The following TBC1D8 variants were observed in gnomAD, a reference collection of about 807,000 sequenced individuals.
TBC1D8 encodes BUB2-like protein 1.
A neutral mutation model predicts 118.8 loss-of-function variants in TBC1D8; 65 were observed. The observed-to-expected ratio is 0.55, with a 90% CI of 0.45 to 0.67. The LOEUF (loss-of-function observed/expected upper bound fraction) is 0.67. TBC1D8 is among the 30% of genes least tolerant of loss of function. The probability of loss-of-function intolerance (pLI) is 0.00; values close to 1 mark genes in which losing one functional copy is unlikely to be tolerated. For synonymous variants in TBC1D8, 566 were observed against 595.8 expected, an observed-to-expected ratio of 0.95 and a Z score of 0.73; for missense variants, 1,376 against 1,471.2, an observed-to-expected ratio of 0.94 and a Z score of 1.06.
chr2:101,129,362 C>T (rs1455540266), intron 1 of TBC1D8, among the ~76,000 whole-genome samples: 1 of 152,042 alleles, frequency 6.6e-6, no homozygotes, highest in African/African-American at 2.4e-5. Context: ...AGGCTGTTCT[C>T]GAACTCCTGA....
intron 2 of TBC1D8, among the ~76,000 whole-genome samples, chr2:101,072,722 C>A (rs1674532928): frequency 6.6e-6 from 1 of 152,102 alleles, no homozygotes; most frequent in African/African-American, 2.4e-5. Context: ...TGACAGGAGG[C>A]CAAGCTCAGG....
In TBC1D8 at chr2:101,008,131, C is replaced by A. The variant is rs1185225997; in HGVS notation, c.3158G>T (p.Gly1053Val). 6.2e-7 allele frequency: 1 copy of A among 1,613,908 alleles called. No homozygotes were observed. The highest frequency in any genetic ancestry group is 8.5e-7 in the Non-Finnish European group (1 of 1,179,814). Residue 1053 changes from glycine (G) to valine (V), a missense_variant, in exon 20 of 20, where the codon GGA becomes GTA. Physicochemically the swap from Gly to Val is moderately radical, Grantham distance 109. Coordinates refer to ENST00000409318, the MANE Select transcript of TBC1D8 (RefSeq NM_001330348.2). The part of the protein sequence containing the change: ...GEVGQRGSSS[G>V]SCSQECGEEL... ...CTCCCCACACTCCTGGGAGCAGCTT[C>A]CAGAGCTGCTGCCTCGCTGCCCCAC...
rs942376826 is a variant in TBC1D8 at position 101,008,273 on chromosome 2, T to C, written c.3016A>G (p.Arg1006Gly). 2 of 1,518,436 alleles carry C rather than the reference T, an allele frequency of 1.3e-6. No individual in the cohort carries two copies. The highest frequency in any genetic ancestry group is 1.8e-6 in the Non-Finnish European group (2 of 1,134,482). 94.1% of individuals were successfully genotyped at this position (1,518,436 alleles called of 1,614,324 possible). Reference protein sequence around the residue: ...TEKELPKMSQREFIQFCKTLY... With the variant: ...TEKELPKMSQGEFIQFCKTLY... ...GTTTTACAGAACTGGATAAATTCTC[T>C]CTGAAATTGAAATAAGTCTTAGGTA... The change falls in exon 20 of 20, where the codon AGA becomes GGA. Residue 1006 changes from arginine (R) to glycine (G), a missense_variant and splice_region_variant. Transcript: ENST00000409318.
At chr2:101,036,250 G>A in intron 8 of TBC1D8, 82 bp from the exon 9 acceptor site, 1 of 1,521,124 alleles carries the variant, frequency 6.6e-7, no homozygotes, top group Non-Finnish European at 9.0e-7. Context: ...GGCAATGGAG[G>A]AAGTACTGCC....
chr2:101,077,921 A>G (rs756488459), intron 2 of TBC1D8, among the ~76,000 whole-genome samples: 1 of 152,198 alleles, frequency 6.6e-6, no homozygotes, highest in Non-Finnish European at 1.5e-5. Flanking sequence ...CCTGCAGATA[A>G]CAACACTCTT....
chr2:101,020,072 CA>C (rs200778679), intron 17 of TBC1D8, among the ~76,000 whole-genome samples: 236 of 90,940 alleles, frequency 2.6e-3, no homozygotes, highest in African/African-American at 8.1e-3. Context: ...AACTCCGTCT[CA>C]AAAAAAAAAA....
chr2:101,073,516 G>A (rs933438860), intron 2 of TBC1D8, among the ~76,000 whole-genome samples: 17 of 151,932 alleles, frequency 1.1e-4, no homozygotes, highest in African/African-American at 3.6e-4. Flanking sequence ...GGATGGTCTC[G>A]ATCTCCTGAC....
chr2:101,105,483 G>A lies in TBC1D8; in HGVS notation c.128-15119C>T, dbSNP rs976364121. ...TCGTGCCTGTAATCCCAGTTACTCC[G>A]GAGGCTGAAGCAGGAGAATCACTTG... On this transcript the variant is annotated intron_variant, in intron 1 of 19. Transcript: ENST00000409318. Among the ~76,000 whole-genome samples, 8 of 151,112 alleles carry A rather than the reference G, an allele frequency of 5.3e-5. No homozygotes were observed. The East Asian group carries it at 9.8e-4, about 19-fold the overall frequency.
chr2:101,042,444 A>ACTCTGTAACCCCGAATGAGACT, intron 5 of TBC1D8, among the ~76,000 whole-genome samples: 2 of 152,224 alleles, frequency 1.3e-5, no homozygotes, highest in Admixed American at 1.3e-4. Context: ...TTGCTTATGT[A>ACTCTGTAACCCCGAATGAGACT]CTCTGTAACC....
At position 101,089,315 on chromosome 2, in the gene TBC1D8, A is replaced by G. The variant is rs147350974; in HGVS notation, c.283+894T>C. On this transcript the variant is annotated intron_variant, in intron 2 of 19. Coordinates refer to ENST00000409318, the MANE Select transcript of TBC1D8 (RefSeq NM_001330348.2). ...AAAACTAAAAAACCACCACGTATAT[A>G]TGCAGAAAGAAGATTAGCTGTGGAT... 3.9e-5 allele frequency among the ~76,000 whole-genome samples: 6 copies of G among 152,354 alleles called. No homozygotes were observed. In the East Asian group the frequency reaches 1.2e-3, roughly 29 times the overall value.
chr2:101,089,920 GTT>G lies in TBC1D8; in HGVS notation c.283+287_283+288del, dbSNP rs35658698. ...TTACAGCCTTTATGTGCTTTCGATG[GTT>G]TTTAAAAAAAAAAAAAAAAAAGATG... On this transcript the variant is annotated intron_variant, in intron 2 of 19. Coordinates refer to ENST00000409318, the MANE Select transcript of TBC1D8 (RefSeq NM_001330348.2). Among the ~76,000 whole-genome samples the G allele has an allele frequency of 1.6e-3, 203 of 130,838 alleles. 3 individuals carry two copies. Among genetic ancestry groups the G allele is most frequent in the Middle Eastern group, 3.8e-3 (1 of 264 alleles). 85.8% of individuals were successfully genotyped at this position (130,838 alleles called of 152,430 possible).
In TBC1D8 at chr2:101,136,910, A is replaced by T. The variant is rs544941269; in HGVS notation, c.127+14217T>A. ...CTCCCATGGTGGGTAAAATACCTAC[A>T]TCTCCATCTGAGGCTGCGCAATGCT... On this transcript the variant is annotated intron_variant, in intron 1 of 19. Transcript: ENST00000409318. Among the ~76,000 whole-genome samples the T allele has an allele frequency of 2.6e-5, 4 of 152,280 alleles. No individual in the cohort carries two copies. In the East Asian group the frequency reaches 7.7e-4, roughly 29 times the overall value.
chr2:101,037,489 G>A lies in TBC1D8; in HGVS notation c.1452+43C>T, dbSNP rs963818398. 19 of 1,596,236 alleles carry A rather than the reference G, an allele frequency of 1.2e-5. No homozygotes were observed. In the Middle Eastern group the frequency reaches 6.8e-4, roughly 57 times the overall value. On this transcript the variant is annotated intron_variant, in intron 8 of 19. Coordinates refer to ENST00000409318, the MANE Select transcript of TBC1D8 (RefSeq NM_001330348.2). ...AGCTGGGCAACCCCCCCAAGCCCAC[G>A]GCTCAGCTTTGTGGTCCAGCTTGGG...
At chr2:101,062,655 TA>T (rs1178906108) in intron 2 of TBC1D8, among the ~76,000 whole-genome samples, 1 of 152,220 alleles carries the variant, frequency 6.6e-6, no homozygotes, top group Admixed American at 6.5e-5. Context: ...TATTATTTAT[TA>T]TTTTTTTGGA....
chr2:101,025,107 ATGTG>A (rs1403101535), intron 15 of TBC1D8, among the ~76,000 whole-genome samples: 2 of 152,226 alleles, frequency 1.3e-5, no homozygotes, highest in South Asian at 2.1e-4. Flanking sequence ...TATTGTAGGC[ATGTG>A]TGTATTTATA....
intron 1 of TBC1D8, among the ~76,000 whole-genome samples, chr2:101,093,830 A>C (rs1434117647): frequency 1.3e-5 from 2 of 152,016 alleles, no homozygotes; most frequent in African/African-American, 2.4e-5. Context: ...CTGCCTCAGC[A>C]ACCCAAGTAG....
intron 16 of TBC1D8, 26 bp downstream of exon 16, chr2:101,022,255 C>G: frequency 6.2e-7 from 1 of 1,613,152 alleles, no homozygotes; most frequent in Non-Finnish European, 8.5e-7. Context: ...CAAAGCACAT[C>G]ACTGCGAAAT....
chr2:101,081,200 C>A (rs576713205), intron 2 of TBC1D8, among the ~76,000 whole-genome samples: 11 of 152,224 alleles, frequency 7.2e-5, no homozygotes, highest in Admixed American at 6.5e-4. Flanking sequence ...ATTAAGTAAG[C>A]TTTTTCAAAC....
chr2:101,050,699 T>C, intron 4 of TBC1D8, 58 bp from the exon 5 acceptor site: 3 of 1,582,772 alleles, frequency 1.9e-6, no homozygotes, highest in South Asian at 2.3e-5. Context: ...CAAACTTGAG[T>C]GTGTCAGCAA....
Sources: allele counts gnomAD v4.1 joint callset (sites outside exome capture counted in the v4.1 genomes callset), GRCh38; gene constraint gnomAD v4.1.1; transcripts MANE v1.5; gene names NCBI Gene and HGNC (gene_info 2026-07-23, HGNC 2026-07-21).